HDAC9: variants seen among roughly 807,000 people sequenced by gnomAD.
HDAC9 encodes MEF-2 interacting transcription repressor (MITR) protein.
In HDAC9, 41 loss-of-function variants were observed where a neutral mutation model predicts 139.4. That is an observed-to-expected ratio of 0.29 (90% confidence interval 0.23 to 0.38). The LOEUF is 0.38. Ranked by LOEUF, HDAC9 falls within the 10% of genes least tolerant of loss-of-function variation. The pLI, the probability that HDAC9 is intolerant of heterozygous loss-of-function variation, is 1.00. For synonymous variants in HDAC9, 517 were observed against 476.2 expected, an observed-to-expected ratio of 1.09 and a Z score of -1.12; for missense variants, 1,147 against 1,297.0, an observed-to-expected ratio of 0.88 and a Z score of 1.78.
intron 2 of HDAC9, among the ~76,000 whole-genome samples, chr7:18,267,310 A>G (rs1486971266): frequency 6.6e-6 from 1 of 152,106 alleles, no homozygotes; most frequent in African/African-American, 2.4e-5. Context: ...AACACTTAGG[A>G]ATATTTCTCT....
intron 12 of HDAC9, among the ~76,000 whole-genome samples, chr7:18,690,901 A>G (rs982300206): frequency 1.6e-4 from 25 of 152,130 alleles, no homozygotes; most frequent in Middle Eastern, 3.4e-3. Flanking sequence ...ACTCAGAAAC[A>G]AAAGCATATT....
chr7:18,681,843 GA>G (rs1329879499), intron 12 of HDAC9, among the ~76,000 whole-genome samples: 1 of 151,988 alleles, frequency 6.6e-6, no homozygotes, highest in East Asian at 1.9e-4. Context: ...TTGGCCTTTG[GA>G]GTAACCCATA....
intron 11 of HDAC9, among the ~76,000 whole-genome samples, chr7:18,661,616 G>A (rs1013140936): frequency 6.6e-6 from 1 of 151,966 alleles, no homozygotes; most frequent in African/African-American, 2.4e-5. Flanking sequence ...AAAAAATAAG[G>A]TTTTTAAGAA....
chr7:18,294,699 T>A (rs1230688178), intron 1 of HDAC9, among the ~76,000 whole-genome samples: 1 of 152,094 alleles, frequency 6.6e-6, no homozygotes, highest in African/African-American at 2.4e-5. Flanking sequence ...ATTGAAAGGT[T>A]TACACGGGGA....
chr7:18,662,973 A>G (rs1343024562), intron 11 of HDAC9, among the ~76,000 whole-genome samples: 2 of 152,082 alleles, frequency 1.3e-5, no homozygotes, highest in African/African-American at 4.8e-5. Flanking sequence ...AGTAAAACCC[A>G]TATTGAAAGG....
At chr7:18,898,822 T>C (rs1032622537) in intron 22 of HDAC9, among the ~76,000 whole-genome samples, 2 of 151,926 alleles carry the variant, frequency 1.3e-5, no homozygotes, top group African/African-American at 4.8e-5. Context: ...ACATTTTCCA[T>C]AAATTGAATC....
intron 17 of HDAC9, among the ~76,000 whole-genome samples, chr7:18,825,776 T>G (rs545536944): frequency 6.7e-6 from 1 of 148,258 alleles, no homozygotes; most frequent in South Asian, 2.1e-4. Flanking sequence ...TATATAGATA[T>G]ATAAAACCTT....
intron 14 of HDAC9, among the ~76,000 whole-genome samples, chr7:18,758,823 CT>C (rs1207011489): frequency 1.3e-5 from 2 of 151,106 alleles, no homozygotes; most frequent in Non-Finnish European, 2.9e-5. Flanking sequence ...TTAGTTTTCA[CT>C]GCTCTCTTTC....
At chr7:18,666,614 T>G (rs1794959450) in intron 12 of HDAC9, 138 bp downstream of exon 12, 2 of 1,470,652 alleles carry the variant, frequency 1.4e-6, no homozygotes, top group Non-Finnish European at 1.8e-6. Flanking sequence ...TGTTTAAGGA[T>G]TCTACCTAAT....
Position 18,997,428 on chromosome 7 carries a change from A to G in HDAC9, c.*1366A>G, listed in dbSNP as rs2023937. 1 of 152,060 alleles carries G rather than the reference A, an allele frequency of 6.6e-6. No individual in the cohort carries two copies. Among genetic ancestry groups the G allele is most frequent in the East Asian group, 1.9e-4 (1 of 5,202 alleles). The allele number at this position is 152,060 out of a possible 1,614,324, so 9.4% of individuals were successfully genotyped here. On this transcript the variant is annotated 3_prime_UTR_variant, in exon 26 of 26. Transcript: ENST00000686413. ...CTAAATATAAGTAGGTTATCCTCCT[A>G]CCTCCTAAAATTCGATTTCAACATA...
chr7:18,986,771 T>C (rs531848724), intron 25 of HDAC9, among the ~76,000 whole-genome samples: 1,988 of 152,276 alleles, frequency 0.013, 38 homozygotes, highest in African/African-American at 0.042. Flanking sequence ...TAGTTCTCCT[T>C]GAAGAGGTCC....
intron 25 of HDAC9, among the ~76,000 whole-genome samples, chr7:18,982,983 G>A (rs927086272): frequency 3.9e-5 from 6 of 152,124 alleles, no homozygotes; most frequent in East Asian, 3.8e-4. Flanking sequence ...AAAACTTACC[G>A]TCTTAACCAT....
intron 2 of HDAC9, among the ~76,000 whole-genome samples, chr7:18,223,722 C>T (rs1282944281): frequency 1.3e-5 from 2 of 151,922 alleles, no homozygotes; most frequent in African/African-American, 2.4e-5. Context: ...TTTATATATG[C>T]ACATGTGTCT....
At chr7:18,990,845 G>C (rs1001077263) in intron 25 of HDAC9, among the ~76,000 whole-genome samples, 11 of 152,244 alleles carry the variant, frequency 7.2e-5, no homozygotes, top group Admixed American at 5.9e-4. Flanking sequence ...GACTAGGAAA[G>C]AGAACTCCCT....
At chr7:18,857,574 GAAA>G (rs144824137) in intron 21 of HDAC9, among the ~76,000 whole-genome samples, 8,940 of 151,982 alleles carry the variant, frequency 0.059, 363 homozygotes, top group Non-Finnish European at 0.092. Flanking sequence ...TGAACTGGGA[GAAA>G]AAAATCAATA....
At chr7:18,257,912 C>T (rs777328810) in intron 2 of HDAC9, among the ~76,000 whole-genome samples, 11 of 152,098 alleles carry the variant, frequency 7.2e-5, no homozygotes, top group South Asian at 2.1e-4. Context: ...GACTTAGAGC[C>T]GGGCCAGTCA....
At chr7:18,660,584 T>C (rs184550569) in intron 11 of HDAC9, among the ~76,000 whole-genome samples, 49 of 152,252 alleles carry the variant, frequency 3.2e-4, no homozygotes, top group Non-Finnish European at 5.3e-4. Flanking sequence ...TATATTATAG[T>C]CTGGGAGATA....
At chr7:18,634,550 T>C in intron 7 of HDAC9, 77 bp from the exon 8 acceptor site, 1 of 839,046 alleles carries the variant, frequency 1.2e-6, no homozygotes, top group Non-Finnish European at 1.9e-6. Flanking sequence ...ACATGCCCAA[T>C]GTTACATGTT....
chr7:18,684,310 C>G (rs1156828717), intron 12 of HDAC9, among the ~76,000 whole-genome samples: 1 of 149,594 alleles, frequency 6.7e-6, no homozygotes, highest in African/African-American at 2.5e-5. Context: ...ATATTTGATC[C>G]ATTTTACTGA....
Sources: gnomAD v4.1 joint callset for allele counts (sites outside exome capture counted in the v4.1 genomes callset) on GRCh38, gnomAD v4.1.1 for gene constraint, MANE v1.5 for transcripts, NCBI Gene and HGNC (gene_info 2026-07-23, HGNC 2026-07-21) for gene names.